Variants in COLEC12 observed in about 807,000 individuals in gnomAD.
COLEC12 encodes collectin subfamily member 12.
In COLEC12, 33 loss-of-function variants were observed where a neutral mutation model predicts 71.1. The observed-to-expected ratio is 0.46, with a 90% CI of 0.35 to 0.62. The LOEUF (loss-of-function observed/expected upper bound fraction) is 0.62, where lower values mean the gene tolerates loss of function less well. COLEC12 is among the 20% of genes least tolerant of loss of function. The probability of loss-of-function intolerance (pLI) is 0.00; values close to 1 mark genes in which losing one functional copy is unlikely to be tolerated. For missense variants in COLEC12, 765 were observed against 916.1 expected (o/e 0.84, Z 2.13); for synonymous variants, 350 against 353.0 (o/e 0.99, Z 0.10).
At chr18:490,497 G>A (rs899422907) in intron 1 of COLEC12, among the ~76,000 whole-genome samples, 1 of 152,196 alleles carries the variant, frequency 6.6e-6, no homozygotes, top group African/African-American at 2.4e-5. Context: ...GTAGGAAACT[G>A]CTGTTTTTCA....
At chr18:395,159 C>T (rs930480714) in intron 2 of COLEC12, among the ~76,000 whole-genome samples, 40 of 152,198 alleles carry the variant, frequency 2.6e-4, no homozygotes, top group African/African-American at 9.2e-4. Flanking sequence ...TGGAAGAATG[C>T]AGCAGAAATT....
At chr18:398,118 C>T (rs1317293340) in intron 2 of COLEC12, among the ~76,000 whole-genome samples, 3 of 152,190 alleles carry the variant, frequency 2.0e-5, no homozygotes, top group African/African-American at 7.2e-5. Flanking sequence ...CTTTGCCTCA[C>T]AGGCACTTTC....
At chr18:391,883 T>C (rs947290487) in intron 2 of COLEC12, among the ~76,000 whole-genome samples, 3 of 152,238 alleles carry the variant, frequency 2.0e-5, no homozygotes, top group African/African-American at 4.8e-5. Context: ...GATCTGGCTA[T>C]TGAATATCAA....
intron 8 of COLEC12, among the ~76,000 whole-genome samples, chr18:325,663 G>A: frequency 1.8e-5 from 1 of 56,970 alleles, no homozygotes; most frequent in Non-Finnish European, 3.1e-5. Flanking sequence ...TTTTGAGACA[G>A]AGTCTTGTTC....
At position 354,265 on chromosome 18, in the gene COLEC12, G is replaced by T. The variant is rs16943151; in HGVS notation, c.181+3135C>A. On this transcript the variant is annotated intron_variant, in intron 3 of 9. Coordinates refer to ENST00000400256, the MANE Select transcript of COLEC12 (RefSeq NM_130386.3). ...ATGTTTTCTGCAAAGTGGCTGATAC[G>T]CCTCACAGTCACGACCACTGCACAG... Among the ~76,000 whole-genome samples, 662 of 152,294 alleles carry T rather than the reference G, an allele frequency of 4.3e-3. 7 individuals carry two copies. The highest frequency in any genetic ancestry group is 0.028 in the East Asian group (144 of 5,184).
At chr18:353,342 G>A (rs1914563868) in intron 3 of COLEC12, among the ~76,000 whole-genome samples, 1 of 152,206 alleles carries the variant, frequency 6.6e-6, no homozygotes, top group East Asian at 1.9e-4. Context: ...TTTTGTAGAT[G>A]AAGAGATTGA....
intron 2 of COLEC12, among the ~76,000 whole-genome samples, chr18:359,763 G>A (rs933587549): frequency 2.0e-5 from 3 of 152,098 alleles, no homozygotes; most frequent in South Asian, 2.1e-4. Flanking sequence ...TACTAATAGC[G>A]TCCCCCAGGA....
chr18:319,329 A>ATAT lies in COLEC12; in HGVS notation c.*715_*716insATA, dbSNP rs1555611780. The ATAT allele has an allele frequency of 2.0e-4, 6 of 29,508 alleles. No individual in the cohort carries two copies. The highest frequency in any genetic ancestry group is 4.4e-4 in the Admixed American group (1 of 2,274). The allele number at this position is 29,508 out of a possible 1,614,324, so 1.8% of individuals were successfully genotyped here. A position where few individuals can be genotyped will look rare whatever the true frequency, so the allele number is the denominator to read the frequency against. ...CTGAGGAAATGAAACATTAAAAAAA[A>ATAT]AAAAAAAAAAAAATATATATATATA... On this transcript the variant is annotated 3_prime_UTR_variant, in exon 10 of 10. Transcript: ENST00000400256.
At chr18:402,650 C>CTAA (rs1283392910) in intron 2 of COLEC12, among the ~76,000 whole-genome samples, 1 of 151,934 alleles carries the variant, frequency 6.6e-6, no homozygotes, top group African/African-American at 2.4e-5. Flanking sequence ...TCACCTTCAC[C>CTAA]TAACAAAAGG....
rs1369464443 is a variant in COLEC12, at chr18:319,329, A to T, written c.*716T>A. On this transcript the variant is annotated 3_prime_UTR_variant, in exon 10 of 10. Transcript: ENST00000400256. Reference sequence around the variant, plus strand: ...CTGAGGAAATGAAACATTAAAAAAAAAAAAAAAAAAAAATATATATATATA... The same window carrying T: ...CTGAGGAAATGAAACATTAAAAAAATAAAAAAAAAAAAATATATATATATA... 189 of 29,332 alleles carry T rather than the reference A, an allele frequency of 6.4e-3. No homozygotes were observed. The highest frequency in any genetic ancestry group is 0.042 in the South Asian group (32 of 762). The allele number at this position is 29,332 out of a possible 1,614,324, so 1.8% of individuals were successfully genotyped here.
intron 5 of COLEC12, among the ~76,000 whole-genome samples, chr18:337,630 C>T (rs1032097673): frequency 1.3e-5 from 2 of 152,216 alleles, no homozygotes; most frequent in Non-Finnish European, 1.5e-5. Context: ...GAACTCACTT[C>T]TACCTAGACC....
At chr18:476,554 A>G (rs1917308539) in intron 2 of COLEC12, among the ~76,000 whole-genome samples, 1 of 152,156 alleles carries the variant, frequency 6.6e-6, no homozygotes, top group African/African-American at 2.4e-5. Context: ...ACCCATTGCG[A>G]CCAATCAATG....
At position 431,693 on chromosome 18, in the gene COLEC12, G is replaced by C. The variant is rs564217731; in HGVS notation, c.58+49014C>G. ...GAGAGGTCCAGCAATAAGCAGTTAA[G>C]AAAACTGGGCCAGTGCCTAGGAGGA... On this transcript the variant is annotated intron_variant, in intron 2 of 9. Transcript: ENST00000400256. Among the ~76,000 whole-genome samples the C allele has an allele frequency of 7.2e-5, 11 of 152,314 alleles. No individual in the cohort carries two copies. In the East Asian group the frequency reaches 2.1e-3, roughly 29 times the overall value.
At chr18:425,383 T>C (rs1916180567) in intron 2 of COLEC12, among the ~76,000 whole-genome samples, 2 of 152,250 alleles carry the variant, frequency 1.3e-5, no homozygotes, top group South Asian at 2.1e-4. Flanking sequence ...CTTTCCATGA[T>C]TTCAGTGTCA....
At chr18:443,673 T>C (rs953611363) in intron 2 of COLEC12, among the ~76,000 whole-genome samples, 1 of 152,222 alleles carries the variant, frequency 6.6e-6, no homozygotes, top group African/African-American at 2.4e-5. Flanking sequence ...AGGGTTCTGT[T>C]AGCATGGGAA....
rs184569687 is a variant in COLEC12, at chr18:390,165, G to C, written c.59-32643C>G. ...AGTGCTTTGCCCAGCAGGGGGCTAG[G>C]TCCCCACCAATCACAGCTGCACTTC... On this transcript the variant is annotated intron_variant, in intron 2 of 9. Transcript: ENST00000400256. Among the ~76,000 whole-genome samples the C allele has an allele frequency of 8.1e-3, 1,229 of 152,304 alleles. 5 individuals carry two copies. Among genetic ancestry groups the C allele is most frequent in the Middle Eastern group, 0.031 (9 of 294 alleles).
At chr18:326,737 G>T (rs566425705) in intron 8 of COLEC12, among the ~76,000 whole-genome samples, 1 of 152,174 alleles carries the variant, frequency 6.6e-6, no homozygotes. Flanking sequence ...ACATGCACCT[G>T]AAAAGAATAT....
At chr18:330,032 C>A (rs747705143) in intron 8 of COLEC12, among the ~76,000 whole-genome samples, 8 of 152,142 alleles carry the variant, frequency 5.3e-5, no homozygotes, top group Non-Finnish European at 1.0e-4. Flanking sequence ...GAGCCATGAT[C>A]GTGCCACTGC....
chr18:374,779 C>T (rs1307046379), intron 2 of COLEC12, among the ~76,000 whole-genome samples: 1 of 152,132 alleles, frequency 6.6e-6, no homozygotes, highest in East Asian at 1.9e-4. Flanking sequence ...AGCCACTGGC[C>T]CCAATAACTA....
Sources: allele counts gnomAD v4.1 joint callset (sites outside exome capture counted in the v4.1 genomes callset), GRCh38; gene constraint gnomAD v4.1.1; transcripts MANE v1.5; gene names NCBI Gene and HGNC (gene_info 2026-07-23, HGNC 2026-07-21).